The following SNTG1 variants were observed in gnomAD, a reference collection of about 807,000 sequenced individuals.
The protein encoded by SNTG1 is syntrophin gamma 1, also known as gamma-1-syntrophin.
SNTG1 carries 39 observed loss-of-function variants against 74.7 expected under a neutral mutation model. The ratio of observed to expected loss-of-function variants is 0.52; its 90% CI spans 0.40 to 0.68. The LOEUF (loss-of-function observed/expected upper bound fraction) is 0.68, where lower values mean the gene tolerates loss of function less well. Ranked by LOEUF, SNTG1 falls within the 30% of genes least tolerant of loss-of-function variation. The probability of loss-of-function intolerance (pLI) is 0.00; values close to 1 mark genes in which losing one functional copy is unlikely to be tolerated. For missense variants in SNTG1, 685 were observed against 609.5 expected, an observed-to-expected ratio of 1.12 and a Z score of -1.30; for synonymous variants, 254 against 217.1, an observed-to-expected ratio of 1.17 and a Z score of -1.49.
rs146807111 is a variant in SNTG1, at chr8:50,078,573, C to A, written c.-102-93988C>A. 1.4e-4 allele frequency among the ~76,000 whole-genome samples: 22 copies of A among 151,878 alleles called. No individual in the cohort carries two copies. In the East Asian group the frequency reaches 3.9e-3, roughly 27 times the overall value. On this transcript the variant is annotated intron_variant, in intron 1 of 18. Coordinates refer to ENST00000642720, the MANE Select transcript of SNTG1 (RefSeq NM_018967.5). Reference sequence around the variant, plus strand: ...ATTTATTTTTATTTTACTTTAAGTTCTGGGATACACCTGCTGAGCATGCAG... The same window carrying A: ...ATTTATTTTTATTTTACTTTAAGTTATGGGATACACCTGCTGAGCATGCAG...
At chr8:50,635,996 G>A (rs1290003923) in intron 13 of SNTG1, among the ~76,000 whole-genome samples, 1 of 151,888 alleles carries the variant, frequency 6.6e-6, no homozygotes, top group African/African-American at 2.4e-5. Flanking sequence ...TCTTTAATGA[G>A]CAGGTGATGA....
rs1554524905 is a variant in SNTG1 at position 49,938,603 on chromosome 8, T to TTTTTTTTTCTTTTCTTTC, written c.-103+26375_-103+26376insTTTTTCTTTTCTTTCTTT. On this transcript the variant is annotated intron_variant, in intron 1 of 18. Coordinates refer to ENST00000642720, the MANE Select transcript of SNTG1 (RefSeq NM_018967.5). Reference sequence around the variant, plus strand: ...TTTTCTTTTCTTTTCTTTTCTTTTCTTTTCTTTCTTTCTTTCTTTCTTTCT... The same window carrying TTTTTTTTTCTTTTCTTTC: ...TTTTCTTTTCTTTTCTTTTCTTTTCTTTTTTTTTCTTTTCTTTCTTTCTTTCTTTCTTTCTTTCTTTCT... Among the ~76,000 whole-genome samples the TTTTTTTTTCTTTTCTTTC allele has an allele frequency of 8.0e-5, 6 of 74,766 alleles. 1 individual carries two copies. The highest frequency in any genetic ancestry group is 2.7e-4 in the African/African-American group (6 of 22,138). The allele number at this position is 74,766 out of a possible 152,430, so 49.0% of individuals were successfully genotyped here.
At chr8:50,427,039 T>A (rs1324072252) in intron 4 of SNTG1, among the ~76,000 whole-genome samples, 2 of 152,130 alleles carry the variant, frequency 1.3e-5, no homozygotes, top group Admixed American at 1.3e-4. Flanking sequence ...CTTGAGCATC[T>A]GAAGATTTTG....
intron 17 of SNTG1, among the ~76,000 whole-genome samples, chr8:50,741,738 A>G (rs140237772): frequency 1.3e-5 from 2 of 152,182 alleles, no homozygotes; most frequent in East Asian, 3.9e-4. Context: ...AAACAAATGC[A>G]CATTACTAAG....
chr8:49,972,346 A>G (rs959072930), intron 1 of SNTG1, among the ~76,000 whole-genome samples: 4 of 152,202 alleles, frequency 2.6e-5, no homozygotes, highest in African/African-American at 7.2e-5. Flanking sequence ...CCTTCCTTAC[A>G]TCTTATACAA....
intron 2 of SNTG1, among the ~76,000 whole-genome samples, chr8:50,291,052 A>T (rs1375189204): frequency 6.6e-6 from 1 of 152,064 alleles, no homozygotes; most frequent in Non-Finnish European, 1.5e-5. Flanking sequence ...CACCCTATAC[A>T]TTTATGTATT....
intron 18 of SNTG1, among the ~76,000 whole-genome samples, chr8:50,761,227 C>G (rs1266907357): frequency 6.6e-6 from 1 of 151,934 alleles, no homozygotes; most frequent in Non-Finnish European, 1.5e-5. Context: ...ATACACAAAT[C>G]AATAAACGTT....
intron 2 of SNTG1, among the ~76,000 whole-genome samples, chr8:50,314,004 T>C (rs1053620983): frequency 1.3e-5 from 2 of 149,690 alleles, no homozygotes; most frequent in African/African-American, 5.0e-5. Context: ...CAATCTTATA[T>C]ATATCTTTTA....
At chr8:50,245,798 T>A (rs978629050) in intron 2 of SNTG1, among the ~76,000 whole-genome samples, 4 of 152,168 alleles carry the variant, frequency 2.6e-5, no homozygotes, top group Admixed American at 6.5e-5. Flanking sequence ...TCAACTTTCT[T>A]ATATGTCAGT....
intron 1 of SNTG1, among the ~76,000 whole-genome samples, chr8:50,103,660 C>T (rs1408202815): frequency 6.6e-6 from 1 of 152,276 alleles, no homozygotes; most frequent in East Asian, 1.9e-4. Context: ...GGAATGCTTC[C>T]AGTTTTTCCC....
intron 2 of SNTG1, among the ~76,000 whole-genome samples, chr8:50,219,942 GA>G (rs529375860): frequency 5.6e-4 from 85 of 152,242 alleles, no homozygotes; most frequent in African/African-American, 1.9e-3. Flanking sequence ...GATCAAACAT[GA>G]AAGTTTAATT....
At chr8:50,692,704 C>T (rs2131457496) in intron 15 of SNTG1, among the ~76,000 whole-genome samples, 2 of 152,298 alleles carry the variant, frequency 1.3e-5, no homozygotes, top group South Asian at 4.1e-4. Flanking sequence ...GTCAGGGACC[C>T]ACTTGAGGAG....
At chr8:50,667,693 T>C (rs1230625936) in intron 15 of SNTG1, among the ~76,000 whole-genome samples, 1 of 152,050 alleles carries the variant, frequency 6.6e-6, no homozygotes, top group Non-Finnish European at 1.5e-5. Context: ...ATTCAAACCA[T>C]AGTACCATCT....
chr8:50,078,159 C>T (rs893580018), intron 1 of SNTG1, among the ~76,000 whole-genome samples: 1 of 152,176 alleles, frequency 6.6e-6, no homozygotes, highest in South Asian at 2.1e-4. Flanking sequence ...TTAGAGAATA[C>T]AACACTATCT....
chr8:50,735,726 A>G (rs1366163499), intron 17 of SNTG1, among the ~76,000 whole-genome samples: 1 of 152,074 alleles, frequency 6.6e-6, no homozygotes, highest in African/African-American at 2.4e-5. Flanking sequence ...GAACTTCCCC[A>G]ACCTAGCAAG....
chr8:50,331,143 G>A (rs1170660421), intron 2 of SNTG1, among the ~76,000 whole-genome samples: 1 of 152,110 alleles, frequency 6.6e-6, no homozygotes, highest in Admixed American at 6.5e-5. Flanking sequence ...GTACGTACAT[G>A]CTATATAACT....
At chr8:50,018,653 C>G (rs1816555222) in intron 1 of SNTG1, among the ~76,000 whole-genome samples, 1 of 151,788 alleles carries the variant, frequency 6.6e-6, no homozygotes, top group Non-Finnish European at 1.5e-5. Flanking sequence ...TGGACATTAT[C>G]AAATTAAAAA....
At chr8:50,436,753 G>T (rs1453209028) in intron 4 of SNTG1, among the ~76,000 whole-genome samples, 2 of 152,014 alleles carry the variant, frequency 1.3e-5, no homozygotes, top group Non-Finnish European at 2.9e-5. Flanking sequence ...TCGACAGATT[G>T]CATTTCTCCT....
intron 1 of SNTG1, among the ~76,000 whole-genome samples, chr8:50,075,419 A>G (rs924514089): frequency 6.6e-5 from 10 of 152,340 alleles, no homozygotes; most frequent in African/African-American, 1.2e-4. Context: ...GTATGCACCA[A>G]TCAGCACTCT....
Sources: gnomAD v4.1 joint callset for allele counts (sites outside exome capture counted in the v4.1 genomes callset) on GRCh38, gnomAD v4.1.1 for gene constraint, MANE v1.5 for transcripts, NCBI Gene and HGNC (gene_info 2026-07-23, HGNC 2026-07-21) for gene names.